BAIAP3: variants seen among roughly 807,000 people sequenced by gnomAD.
BAIAP3 encodes BAI1-associated protein 3.
BAIAP3 carries 180 observed loss-of-function variants against 149.7 expected under a neutral mutation model. That is an observed-to-expected ratio of 1.20 (90% confidence interval 1.07 to 1.36). The LOEUF (loss-of-function observed/expected upper bound fraction) is 1.36, where lower values mean the gene tolerates loss of function less well. BAIAP3 is among the 40% of genes most tolerant of loss of function. BAIAP3 has a pLI of 0.00. For missense variants in BAIAP3, 1,767 were observed against 1,563.4 expected, an observed-to-expected ratio of 1.13 and a Z score of -2.20; for synonymous variants, 845 against 670.7, an observed-to-expected ratio of 1.26 and a Z score of -4.02.
At position 1,347,376 on chromosome 16, in the gene BAIAP3, T is replaced by TGGGACCCTCTGTGGGGC. The variant is rs2034450453; in HGVS notation, c.2823+11_2823+27dup. The TGGGACCCTCTGTGGGGC allele has an allele frequency of 3.1e-6, 5 of 1,612,984 alleles. No individual in the cohort carries two copies. In the Admixed American group the frequency reaches 8.3e-5, roughly 27 times the overall value. On this transcript the variant is annotated splice_region_variant and intron_variant, in intron 29 of 33. Transcript: ENST00000426824. The stretch of plus-strand genomic sequence containing the variant: ...GAGGGATGGAAGCTACAAGGTGAGG[T>TGGGACCCTCTGTGGGGC]GGGACCCTCTGTGGGGCGGGGGTGT...
rs561422268 is a variant in BAIAP3 at position 1,344,043 on chromosome 16, C to T, written c.1408C>T (p.Leu470Phe). 1.9e-6 allele frequency: 3 copies of T among 1,612,532 alleles called. No homozygotes were observed. Among genetic ancestry groups the T allele is most frequent in the Admixed American group, 1.7e-5 (1 of 60,024 alleles). Residue 470 changes from leucine to phenylalanine, a missense_variant, in exon 16 of 34, where the codon CTT (leucine) becomes TTT (phenylalanine). Coordinates refer to ENST00000426824, the MANE Select transcript of BAIAP3 (RefSeq NM_001199097.2). ...ACAGGAGGAGAGCCTGGCTGATAGCCTTTCCGCCTTCTCTGAGTTCGGGCT... is the reference window on the plus strand; with the variant it reads ...ACAGGAGGAGAGCCTGGCTGATAGCTTTTCCGCCTTCTCTGAGTTCGGGCT... ...QEQEESLADS[L>F]SAFSEFGLQL...
chr16:1,349,421 T>C lies in BAIAP3; in HGVS notation c.*939T>C, dbSNP rs753366307. On this transcript the variant is annotated 3_prime_UTR_variant, in exon 34 of 34. Coordinates refer to ENST00000426824, the MANE Select transcript of BAIAP3 (RefSeq NM_001199097.2). ...TTCTCGTCACCCAGCCTCAAAAATA[T>C]ATGTGTCTGCAACCCTCAGTCTCTC... The C allele has an allele frequency of 2.5e-6, 4 of 1,613,602 alleles. No homozygotes were observed. Among genetic ancestry groups the C allele is most frequent in the Non-Finnish European group, 3.4e-6 (4 of 1,179,890 alleles).
chr16:1,336,411 C>G (rs2033461201), intron 1 of BAIAP3: 1 of 984,512 alleles, frequency 1.0e-6, no homozygotes, highest in African/African-American at 1.7e-5. Context: ...TGAGTCCCCC[C>G]CGCAAGCATT....
Position 1,345,863 on chromosome 16 carries a change from T to C in BAIAP3, c.2181T>C (p.Ala727=), listed in dbSNP as rs1253923796. 3.8e-6 allele frequency: 6 copies of C among 1,579,010 alleles called. No individual in the cohort carries two copies. Among genetic ancestry groups the C allele is most frequent in the Non-Finnish European group, 5.2e-6 (6 of 1,163,950 alleles). ...VRLAWPDPAQ[A]QGLGTQLGQD... ...TGGCGTGGCCTGACCCTGCCCAGGC[T>C]CAGGGGCTGGGCACCCAGCTTGGCC... The change falls in exon 23 of 34, where the codon GCT becomes GCC. Residue 727 remains alanine, a synonymous_variant. Coordinates refer to ENST00000426824, the MANE Select transcript of BAIAP3 (RefSeq NM_001199097.2).
Position 1,339,554 on chromosome 16 carries a change from G to T in BAIAP3, c.359G>T (p.Gly120Val). Residue 120 changes from glycine to valine, a missense_variant, in exon 5 of 34, where the codon GGC becomes GTC. Physicochemically the swap from Gly to Val is moderately radical, Grantham distance 109. Coordinates refer to ENST00000426824, the MANE Select transcript of BAIAP3 (RefSeq NM_001199097.2). ...GTGCTTTACCGCGCGGGTACCATGG[G>T]CCCTGACCAGGTGGACGACGAGGAG... ...YTVLYRAGTM[G>V]PDQVDDEEAL... 1 of 1,612,678 alleles carries T rather than the reference G, an allele frequency of 6.2e-7. No homozygotes were observed. The highest frequency in any genetic ancestry group is 8.5e-7 in the Non-Finnish European group (1 of 1,179,806).
At chr16:1,335,448 G>A (rs1207602072) in intron 1 of BAIAP3, among the ~76,000 whole-genome samples, 1 of 132,198 alleles carries the variant, frequency 7.6e-6, no homozygotes, top group East Asian at 3.3e-4. Context: ...TCACGTCTGG[G>A]CCCACGGGAA....
At chr16:1,341,957 C>A in intron 9 of BAIAP3, 29 bp from the exon 10 acceptor site, 2 of 1,582,464 alleles carry the variant, frequency 1.3e-6, no homozygotes, top group Non-Finnish European at 8.6e-7. Flanking sequence ...GGGCTCCAGA[C>A]AAGCCAGGTC....
intron 1 of BAIAP3, among the ~76,000 whole-genome samples, chr16:1,338,334 C>T (rs908071272): frequency 3.3e-5 from 5 of 152,112 alleles, no homozygotes; most frequent in Admixed American, 6.5e-5. Flanking sequence ...CTGCAGGGGG[C>T]GCAGGGACTT....
At position 1,344,299 on chromosome 16, in the gene BAIAP3, C is replaced by T; in HGVS notation, c.1584C>T (p.Asp528=). The part of the protein sequence containing the change: ...ICPFESELNM[D]IAAALKRGNR... ...CCTTCGAGTCGGAGCTGAACATGGA[C>T]ATTGCTGCGGCCCTGAAGGTGTGTT... Residue 528 remains aspartate, a synonymous_variant, in exon 17 of 34, where the codon GAC becomes GAT. Coordinates refer to ENST00000426824, the MANE Select transcript of BAIAP3 (RefSeq NM_001199097.2). The T allele has an allele frequency of 6.2e-7, 1 of 1,613,914 alleles. No homozygotes were observed.
At chr16:1,340,223 C>T (rs530237168) in intron 5 of BAIAP3, among the ~76,000 whole-genome samples, 5 of 137,092 alleles carry the variant, frequency 3.6e-5, no homozygotes, top group African/African-American at 1.4e-4. Context: ...CACACAGACA[C>T]ACACACAGGT....
At chr16:1,334,969 G>A (rs1463003074) in intron 1 of BAIAP3, among the ~76,000 whole-genome samples, 3 of 152,194 alleles carry the variant, frequency 2.0e-5, no homozygotes, top group African/African-American at 7.2e-5. Context: ...GGTAAGAAGG[G>A]CGCCCCCAAC....
chr16:1,346,626 T>C lies in BAIAP3; in HGVS notation c.2584T>C (p.Tyr862His). ...GCAGGCCGTGGCCCCGCTCATGAAG[T>C]ACCTGGATGAGAAGCTGGCCCTGCT... ...NDEAVAPLMK[Y>H]LDEKLALLNA... The change falls in exon 27 of 34, where the codon TAC becomes CAC. Residue 862 changes from tyrosine (Y) to histidine (H), a missense_variant. Tyr to His is a moderately conservative substitution (Grantham distance 83, BLOSUM62 2). Coordinates refer to ENST00000426824, the MANE Select transcript of BAIAP3 (RefSeq NM_001199097.2). The C allele has an allele frequency of 1.3e-6, 2 of 1,489,652 alleles. No individual in the cohort carries two copies. Among genetic ancestry groups the C allele is most frequent in the Non-Finnish European group, 1.8e-6 (2 of 1,112,460 alleles). 92.3% of individuals were successfully genotyped at this position (1,489,652 alleles called of 1,614,324 possible).
In BAIAP3 at chr16:1,348,490, A is replaced by G; in HGVS notation, c.*8A>G. 1 of 1,601,256 alleles carries G rather than the reference A, an allele frequency of 6.2e-7. No homozygotes were observed. Among genetic ancestry groups the G allele is most frequent in the Non-Finnish European group, 8.5e-7 (1 of 1,174,844 alleles). On this transcript the variant is annotated 3_prime_UTR_variant, in exon 34 of 34. Transcript: ENST00000426824. ...ATGGAGGCGGACCCCTGAGTCCATC[A>G]GCTGCCAGCCCCGGCCCTGGCCCCC...
rs1272829670 is a variant in BAIAP3 at position 1,345,365 on chromosome 16, T to C, written c.2057T>C (p.Met686Thr). Residue 686 changes from methionine (M) to threonine (T), a missense_variant, in exon 22 of 34, where the codon ATG (methionine) becomes ACG (threonine). Coordinates refer to ENST00000426824, the MANE Select transcript of BAIAP3 (RefSeq NM_001199097.2). Reference sequence around the variant, plus strand: ...TGGAGGCTTCAGGGAGCCGTGGACATGGACACGGTGACAGCTGCCCTGGCC... The same window carrying C: ...TGGAGGCTTCAGGGAGCCGTGGACACGGACACGGTGACAGCTGCCCTGGCC... ...AKWRLQGAVD[M>T]DTLEPVDASS... 1.2e-6 allele frequency: 2 copies of C among 1,611,924 alleles called. No homozygotes were observed. Among genetic ancestry groups the C allele is most frequent in the Admixed American group, 1.7e-5 (1 of 59,932 alleles).
chr16:1,339,628 A>G (rs78268478), intron 5 of BAIAP3, 25 bp downstream of exon 5: 62,125 of 1,567,552 alleles, frequency 0.04, 2,345 homozygotes, highest in African/African-American at 0.19. Context: ...ACCCCGACCC[A>G]GACCCTGACA....
In BAIAP3 at chr16:1,347,179, G is replaced by C. The variant is rs2034435232; in HGVS notation, c.2752-119G>C. 2.7e-6 allele frequency: 3 copies of C among 1,111,200 alleles called. No homozygotes were observed. The South Asian group carries it at 4.6e-5, about 17-fold the overall frequency. 68.8% of individuals were successfully genotyped at this position (1,111,200 alleles called of 1,614,324 possible). A position where few individuals can be genotyped will look rare whatever the true frequency, so the allele number is the denominator to read the frequency against. ...GATGCCCGCCAGGGTGTGAGAAAGG[G>C]CTCTGCCCTTGGCTGCTGAGCCCCC... is the stretch of plus-strand genomic sequence containing the variant. On this transcript the variant is annotated intron_variant, in intron 28 of 33. Transcript: ENST00000426824.
chr16:1,340,145 C>G (rs1374691961), intron 5 of BAIAP3, among the ~76,000 whole-genome samples: 1 of 135,556 alleles, frequency 7.4e-6, no homozygotes, highest in Non-Finnish European at 1.5e-5. Flanking sequence ...ACACAGGCTG[C>G]AGGTGCACAC....
chr16:1,339,961 GACGC>G (rs1161092121), intron 5 of BAIAP3, among the ~76,000 whole-genome samples: 1 of 126,214 alleles, frequency 7.9e-6, no homozygotes, highest in Non-Finnish European at 1.6e-5. Flanking sequence ...GGTGCACACA[GACGC>G]ACGCACACAC....
intron 5 of BAIAP3, 139 bp downstream of exon 5, chr16:1,339,742 T>TGCAC: frequency 1.5e-6 from 1 of 659,356 alleles, no homozygotes; most frequent in Non-Finnish European, 2.6e-6. Flanking sequence ...CGGCTGCAGG[T>TGCAC]GCACACACAC....
Sources: allele counts gnomAD v4.1 joint callset (sites outside exome capture counted in the v4.1 genomes callset), GRCh38; gene constraint gnomAD v4.1.1; transcripts MANE v1.5; gene names NCBI Gene and HGNC (gene_info 2026-07-23, HGNC 2026-07-21).